Variants in DLG1 observed in about 807,000 individuals in gnomAD.
DLG1 encodes the protein disks large homolog 1.
A neutral mutation model predicts 123.4 loss-of-function variants in DLG1; 42 were observed. The ratio of observed to expected loss-of-function variants is 0.34; its 90% CI spans 0.27 to 0.44. The LOEUF (loss-of-function observed/expected upper bound fraction) is 0.44, where lower values mean the gene tolerates loss of function less well. Among genes scored for constraint, DLG1 ranks in the 20% least tolerant of loss-of-function variants. The pLI, the probability that DLG1 is intolerant of heterozygous loss-of-function variation, is 1.00. For missense variants in DLG1, 942 were observed against 1,082.6 expected (o/e 0.87, Z 1.82); for synonymous variants, 317 against 356.2 (o/e 0.89, Z 1.24).
At chr3:197,179,828 A>G (rs1308319962) in intron 5 of DLG1, among the ~76,000 whole-genome samples, 1 of 152,154 alleles carries the variant, frequency 6.6e-6, no homozygotes. Flanking sequence ...AATATTTTTT[A>G]AAGTGTACAA....
intron 3 of DLG1, among the ~76,000 whole-genome samples, chr3:197,284,837 TTTTCCA>T (rs1157217702): frequency 2.0e-5 from 3 of 151,926 alleles, no homozygotes; most frequent in Non-Finnish European, 2.9e-5. Context: ...CTATTCCTCA[TTTTCCA>T]TTCATAATCT....
chr3:197,118,660 G>A (rs2149425791), intron 12 of DLG1, among the ~76,000 whole-genome samples: 1 of 152,258 alleles, frequency 6.6e-6, no homozygotes, highest in Non-Finnish European at 1.5e-5. Flanking sequence ...ACTCTATAGT[G>A]TCTTATTACT....
At chr3:197,292,333 G>A (rs572621585) in intron 3 of DLG1, among the ~76,000 whole-genome samples, 3 of 152,218 alleles carry the variant, frequency 2.0e-5, no homozygotes, top group South Asian at 4.1e-4. Flanking sequence ...TGAACCTTGC[G>A]GACTCTACAC....
Position 197,069,109 on chromosome 3 carries a change from A to G in DLG1, c.2047+110T>C, listed in dbSNP as rs1012564285. On this transcript the variant is annotated intron_variant, in intron 19 of 24. Coordinates refer to ENST00000667157, the MANE Select transcript of DLG1 (RefSeq NM_001366207.1). ...ACTTGTCTCTCCCTGATTTTAAAATAACGATCATATAACTTCAGGTTTTTA... is the reference window on the plus strand; with the variant it reads ...ACTTGTCTCTCCCTGATTTTAAAATGACGATCATATAACTTCAGGTTTTTA... 6.5e-6 allele frequency: 4 copies of G among 610,902 alleles called. No individual in the cohort carries two copies. The African/African-American group carries it at 7.7e-5, about 12-fold the overall frequency. 37.8% of individuals were successfully genotyped at this position (610,902 alleles called of 1,614,324 possible). A position where few individuals can be genotyped will look rare whatever the true frequency, so the allele number is the denominator to read the frequency against.
chr3:197,069,808 A>G (rs1011004017), intron 18 of DLG1: 1 of 152,256 alleles, frequency 6.6e-6, no homozygotes, highest in Admixed American at 6.5e-5. Flanking sequence ...CAGATGTCTC[A>G]GCTGGAAGGG....
At chr3:197,089,946 A>C (rs986191505) in intron 15 of DLG1, among the ~76,000 whole-genome samples, 3 of 152,214 alleles carry the variant, frequency 2.0e-5, no homozygotes, top group Non-Finnish European at 2.9e-5. Flanking sequence ...AGAAAGAAGA[A>C]AGTGAGAAAG....
chr3:197,203,421 T>C (rs1726870636), intron 4 of DLG1, among the ~76,000 whole-genome samples: 2 of 152,314 alleles, frequency 1.3e-5, no homozygotes, highest in Admixed American at 6.5e-5. Flanking sequence ...AAAAGTAGGA[T>C]ATTTTAAATT....
At position 197,130,673 on chromosome 3, in the gene DLG1, T is replaced by TA. The variant is rs775803700; in HGVS notation, c.1021-3dup. 3.2e-5 allele frequency: 50 copies of TA among 1,585,458 alleles called. No homozygotes were observed. Among genetic ancestry groups the TA allele is most frequent in the South Asian group, 6.9e-5 (6 of 87,192 alleles). Reference sequence around the variant, plus strand: ...TTCTTCTAAACATACGTTATTCACCTAAAAAAAGTCCCAAAAGACATTTAT... The same window carrying TA: ...TTCTTCTAAACATACGTTATTCACCTAAAAAAAAGTCCCAAAAGACATTTAT... On this transcript the variant is annotated splice_polypyrimidine_tract_variant and splice_region_variant and intron_variant, in intron 10 of 24. Coordinates refer to ENST00000667157, the MANE Select transcript of DLG1 (RefSeq NM_001366207.1).
chr3:197,229,454 T>TAA (rs35520172), intron 4 of DLG1, among the ~76,000 whole-genome samples: 1,278 of 121,362 alleles, frequency 0.011, 21 homozygotes, highest in African/African-American at 0.033. Context: ...GCCTGTCTCT[T>TAA]AAAAAAAAAA....
intron 5 of DLG1, among the ~76,000 whole-genome samples, chr3:197,182,494 CA>C (rs1407752490): frequency 6.6e-6 from 1 of 151,570 alleles, no homozygotes; most frequent in East Asian, 1.9e-4. Flanking sequence ...TTCTAGTAAC[CA>C]AAAACAGTAA....
In DLG1 at chr3:197,212,086, G is replaced by C. The variant is rs1731527402; in HGVS notation, c.319-17497C>G. Among the ~76,000 whole-genome samples, 2 of 146,486 alleles carry C rather than the reference G, an allele frequency of 1.4e-5. 1 individual carries two copies. The highest frequency in any genetic ancestry group is 3.1e-5 in the Non-Finnish European group (2 of 65,318). ...GAACAACAGACACTGGGATCTACTT[G>C]AGGGTGGAGAGTGGGAGGAGGGAGA... On this transcript the variant is annotated intron_variant, in intron 4 of 24. Transcript: ENST00000667157.
intron 11 of DLG1, among the ~76,000 whole-genome samples, chr3:197,128,343 A>T (rs1273704052): frequency 2.6e-5 from 4 of 152,220 alleles, no homozygotes; most frequent in Non-Finnish European, 5.9e-5. Context: ...GCAACTCCTT[A>T]GTTGTTAAAG....
intron 4 of DLG1, among the ~76,000 whole-genome samples, chr3:197,219,954 T>C (rs1199193406): frequency 6.6e-6 from 1 of 152,242 alleles, no homozygotes; most frequent in Non-Finnish European, 1.5e-5. Context: ...GTTTTTGTTA[T>C]GGCAGCCCTA....
chr3:197,259,925 A>C (rs184039199), intron 4 of DLG1, among the ~76,000 whole-genome samples: 10 of 152,348 alleles, frequency 6.6e-5, no homozygotes, highest in Non-Finnish European at 1.0e-4. Flanking sequence ...TTCAACTAGC[A>C]TGGCATGTTG....
chr3:197,057,014 A>T (rs534724191), intron 23 of DLG1, among the ~76,000 whole-genome samples: 1 of 152,328 alleles, frequency 6.6e-6, no homozygotes, highest in South Asian at 2.1e-4. Context: ...TGAACATGTC[A>T]TAATTTATTT....
At position 197,210,906 on chromosome 3, in the gene DLG1, G is replaced by C. The variant is rs995594798; in HGVS notation, c.319-16317C>G. ...ACAAATATCCTTCATGAACACAAATGCAAGAATCCTTTTTAAAATACAGCA... is the reference window on the plus strand; with the variant it reads ...ACAAATATCCTTCATGAACACAAATCCAAGAATCCTTTTTAAAATACAGCA... On this transcript the variant is annotated intron_variant, in intron 4 of 24. Coordinates refer to ENST00000667157, the MANE Select transcript of DLG1 (RefSeq NM_001366207.1). Among the ~76,000 whole-genome samples the C allele has an allele frequency of 2.1e-5, 3 of 145,452 alleles. 1 individual carries two copies. The highest frequency in any genetic ancestry group is 4.6e-5 in the Non-Finnish European group (3 of 64,924).
At chr3:197,048,378 T>G in intron 24 of DLG1, among the ~76,000 whole-genome samples, 1 of 151,948 alleles carries the variant, frequency 6.6e-6, no homozygotes. Flanking sequence ...GGCTGAGGCA[T>G]GAGAATCGCT....
intron 4 of DLG1, among the ~76,000 whole-genome samples, chr3:197,201,068 C>T (rs1457085752): frequency 1.3e-5 from 2 of 152,162 alleles, no homozygotes; most frequent in African/African-American, 4.8e-5. Context: ...CTGATGACAT[C>T]ATCTTTTATC....
intron 11 of DLG1, among the ~76,000 whole-genome samples, chr3:197,121,276 AACAGT>A (rs1254198664): frequency 6.6e-6 from 1 of 152,136 alleles, no homozygotes; most frequent in East Asian, 1.9e-4. Context: ...GATCAGATAA[AACAGT>A]ACTATTTCTT....
Sources: allele counts gnomAD v4.1 joint callset (sites outside exome capture counted in the v4.1 genomes callset), GRCh38; gene constraint gnomAD v4.1.1; transcripts MANE v1.5; gene names NCBI Gene and HGNC (gene_info 2026-07-23, HGNC 2026-07-21).